Variants in EXPH5 observed in about 807,000 individuals in gnomAD.
EXPH5 encodes the protein exophilin 5, also known as exophilin-5.
A neutral mutation model predicts 41.1 loss-of-function variants in EXPH5; 42 were observed. The observed-to-expected ratio is 1.02, with a 90% CI of 0.80 to 1.32. EXPH5 has a LOEUF of 1.32. Ranked by LOEUF, EXPH5 falls within the 40% of genes most tolerant of loss-of-function variation. The probability of loss-of-function intolerance (pLI) is 0.00; values close to 1 mark genes in which losing one functional copy is unlikely to be tolerated. For synonymous variants in EXPH5, 798 were observed against 833.5 expected, an observed-to-expected ratio of 0.96 and a Z score of 0.73; for missense variants, 2,298 against 2,314.5, an observed-to-expected ratio of 0.99 and a Z score of 0.15.
intron 1 of EXPH5, among the ~76,000 whole-genome samples, chr11:108,582,615 C>T (rs183487666): frequency 1.3e-5 from 2 of 152,240 alleles, no homozygotes; most frequent in Admixed American, 1.3e-4. Context: ...TTTTCTTGAG[C>T]ATGTAAGTGG....
intron 5 of EXPH5, among the ~76,000 whole-genome samples, chr11:108,516,788 A>G (rs116349238): frequency 0.012 from 1,761 of 152,346 alleles, 37 homozygotes; most frequent in African/African-American, 0.04. Flanking sequence ...TTAGGGAATT[A>G]TCTGTGAATG....
chr11:108,573,249 C>T (rs2094069030), intron 1 of EXPH5, among the ~76,000 whole-genome samples: 1 of 151,496 alleles, frequency 6.6e-6, no homozygotes, highest in South Asian at 2.1e-4. Context: ...AGGAAGCAAG[C>T]AAGCAAGCGA....
chr11:108,516,315 C>G (rs989766748), intron 5 of EXPH5, among the ~76,000 whole-genome samples: 1 of 152,126 alleles, frequency 6.6e-6, no homozygotes, highest in African/African-American at 2.4e-5. Context: ...GGCTCATGCT[C>G]TCTAGGACCA....
In EXPH5 at chr11:108,562,017, C is replaced by T. The variant is rs376841318; in HGVS notation, c.120-20205G>A. Among the ~76,000 whole-genome samples the T allele has an allele frequency of 2.8e-4, 43 of 152,276 alleles. 1 individual carries two copies. The East Asian group carries it at 6.4e-3, about 23-fold the overall frequency. On this transcript the variant is annotated intron_variant, in intron 1 of 5. Transcript: ENST00000265843. ...AACATTCCGGTTCCTGAGGACTGGC[C>T]GTGCAGGGTTGAGGCCGTTTCCTGT...
chr11:108,582,834 A>G (rs1051072344), intron 1 of EXPH5, among the ~76,000 whole-genome samples: 1 of 152,194 alleles, frequency 6.6e-6, no homozygotes, highest in Non-Finnish European at 1.5e-5. Flanking sequence ...GTCTGCACAA[A>G]GCATTCTCCC....
At chr11:108,530,933 G>T (rs537126847) in intron 3 of EXPH5, among the ~76,000 whole-genome samples, 12 of 152,282 alleles carry the variant, frequency 7.9e-5, no homozygotes, top group Admixed American at 5.2e-4. Context: ...CCACTCCCAG[G>T]CCTTCCCACA....
intron 1 of EXPH5, among the ~76,000 whole-genome samples, chr11:108,561,259 C>A (rs2136079184): frequency 6.6e-6 from 1 of 152,256 alleles, no homozygotes; most frequent in Admixed American, 6.5e-5. Flanking sequence ...TAATAATGAT[C>A]TTAGATTTTA....
Position 108,508,004 on chromosome 11 carries a change from C to CAAAAAAAAAAAAAA in EXPH5, c.*1519_*1532dup, listed in dbSNP as rs754113349. The CAAAAAAAAAAAAAA allele has an allele frequency of 1.5e-5, 1 of 66,728 alleles. No homozygotes were observed. The highest frequency in any genetic ancestry group is 2.6e-5 in the Non-Finnish European group (1 of 37,916). The allele number at this position is 66,728 out of a possible 1,614,324, so 4.1% of individuals were successfully genotyped here. On this transcript the variant is annotated 3_prime_UTR_variant, in exon 6 of 6. Coordinates refer to ENST00000265843, the MANE Select transcript of EXPH5 (RefSeq NM_015065.3). The stretch of plus-strand genomic sequence containing the variant: ...GAAACTCCAACTCTACTAAAAATAC[C>CAAAAAAAAAAAAAA]AAAAAAAAAAAAAAAAAAAAAAAAA...
chr11:108,572,414 A>G (rs1369379711), intron 1 of EXPH5, among the ~76,000 whole-genome samples: 2 of 152,102 alleles, frequency 1.3e-5, no homozygotes, highest in African/African-American at 4.8e-5. Flanking sequence ...CTGTTTTCCT[A>G]GTTGGACCCT....
intron 2 of EXPH5, among the ~76,000 whole-genome samples, chr11:108,539,405 G>A (rs2093900056): frequency 6.6e-6 from 1 of 152,074 alleles, no homozygotes; most frequent in African/African-American, 2.4e-5. Context: ...AAATTAGTAG[G>A]GAATCTTTCC....
rs575571214 is a variant in EXPH5, at chr11:108,591,065, C to T, written c.119+2353G>A. On this transcript the variant is annotated intron_variant, in intron 1 of 5. Transcript: ENST00000265843. ...CCCAACCTGCTAAATTTCTAAACTT[C>T]CCCATTTGGACCCTTATTGTTCTAG... Among the ~76,000 whole-genome samples, 319 of 152,322 alleles carry T rather than the reference C, an allele frequency of 2.1e-3. 1 individual carries two copies. Among genetic ancestry groups the T allele is most frequent in the South Asian group, 4.3e-3 (21 of 4,830 alleles).
At chr11:108,542,077 A>G (rs1473620481) in intron 1 of EXPH5, among the ~76,000 whole-genome samples, 1 of 151,924 alleles carries the variant, frequency 6.6e-6, no homozygotes, top group Non-Finnish European at 1.5e-5. Flanking sequence ...ATGGGGTTTC[A>G]CCATGTTGCC....
intron 1 of EXPH5, among the ~76,000 whole-genome samples, chr11:108,561,646 T>C (rs903147397): frequency 1.7e-4 from 26 of 152,238 alleles, no homozygotes; most frequent in African/African-American, 5.3e-4. Flanking sequence ...GCAAGAATGC[T>C]GCCCAGTGAA....
Position 108,514,075 on chromosome 11 carries a change from C to T in EXPH5, c.1432G>A (p.Gly478Ser). The T allele has an allele frequency of 6.2e-7, 1 of 1,614,028 alleles. No homozygotes were observed. Among genetic ancestry groups the T allele is most frequent in the Non-Finnish European group, 8.5e-7 (1 of 1,179,970 alleles). ...RSGEQRRFGQ[G>S]PFWGQEKGHS... ...CCTTTCTCTTGGCCCCAAAAAGGAC[C>T]TTGTCCAAATCTCCTCTGTTCTCCG... The change falls in exon 6 of 6, where the codon GGT becomes AGT. Residue 478 changes from glycine (G) to serine (S), a missense_variant. Physicochemically the swap from Gly to Ser is moderately conservative, Grantham distance 56. Transcript: ENST00000265843.
intron 1 of EXPH5, among the ~76,000 whole-genome samples, chr11:108,590,006 TA>T (rs2094123638): frequency 1.3e-5 from 2 of 152,200 alleles, no homozygotes; most frequent in African/African-American, 4.8e-5. Flanking sequence ...TATTATTACA[TA>T]AAAAGGCAGC....
At chr11:108,550,393 T>C (rs1230098786) in intron 1 of EXPH5, among the ~76,000 whole-genome samples, 1 of 152,042 alleles carries the variant, frequency 6.6e-6, no homozygotes, top group African/African-American at 2.4e-5. Flanking sequence ...GCCCAATGAG[T>C]GATCCCCGGC....
upstream of EXPH5, among the ~76,000 whole-genome samples, chr11:108,595,778 T>C (rs2094138082): frequency 6.6e-6 from 1 of 152,220 alleles, no homozygotes; most frequent in African/African-American, 2.4e-5. Flanking sequence ...ACTGGGCTAG[T>C]GCTCAGAGCA....
At chr11:108,592,214 G>A (rs930428156) in intron 1 of EXPH5, among the ~76,000 whole-genome samples, 5 of 152,154 alleles carry the variant, frequency 3.3e-5, no homozygotes, top group African/African-American at 1.2e-4. Flanking sequence ...CAGATGGTAT[G>A]AAATCCATAT....
the EXPH5 span, among the ~76,000 whole-genome samples, chr11:108,603,130 T>G: frequency 3.3e-5 from 5 of 152,210 alleles, no homozygotes; most frequent in African/African-American, 4.8e-5. Context: ...GTGAGTTTCC[T>G]GAGGCCTCCC....
Sources: gnomAD v4.1 joint callset for allele counts (sites outside exome capture counted in the v4.1 genomes callset) on GRCh38, gnomAD v4.1.1 for gene constraint, MANE v1.5 for transcripts, NCBI Gene and HGNC (gene_info 2026-07-23, HGNC 2026-07-21) for gene names.